RSRC1: variants seen among roughly 807,000 people sequenced by gnomAD.
RSRC1 encodes arginine and serine rich coiled-coil 1.
RSRC1 carries 39 observed loss-of-function variants against 49.1 expected under a neutral mutation model. The observed-to-expected ratio is 0.79, with a 90% CI of 0.61 to 1.04. The LOEUF is 1.04. Ranked by LOEUF, RSRC1 falls within the 50% of genes least tolerant of loss-of-function variation. RSRC1 has a pLI of 0.00. For synonymous variants in RSRC1, 143 were observed against 130.8 expected, an observed-to-expected ratio of 1.09 and a Z score of -0.63; for missense variants, 388 against 402.4, an observed-to-expected ratio of 0.96 and a Z score of 0.31.
intron 6 of RSRC1, among the ~76,000 whole-genome samples, chr3:158,438,874 G>GA (rs200916521): frequency 0.52 from 78,397 of 151,824 alleles, 20,678 homozygotes; most frequent in South Asian, 0.6. Flanking sequence ...CTATCGGAGT[G>GA]ACAGGCAACC....
At chr3:158,159,139 G>A (rs1718058741) in intron 3 of RSRC1, among the ~76,000 whole-genome samples, 1 of 152,128 alleles carries the variant, frequency 6.6e-6, no homozygotes, top group Admixed American at 6.6e-5. Context: ...ATTCTAGGAT[G>A]TGAAGCTAGT....
chr3:158,247,443 A>G (rs901295335), intron 4 of RSRC1, among the ~76,000 whole-genome samples: 1 of 152,064 alleles, frequency 6.6e-6, no homozygotes, highest in East Asian at 1.9e-4. Context: ...AGAAAACGGC[A>G]ATCTGGCTTT....
intron 7 of RSRC1, among the ~76,000 whole-genome samples, chr3:158,498,794 C>A (rs1739462884): frequency 6.6e-6 from 1 of 152,148 alleles, no homozygotes; most frequent in Non-Finnish European, 1.5e-5. Context: ...ATGTGGCTAG[C>A]CAATTATCCC....
At chr3:158,175,615 A>G (rs907713891) in intron 3 of RSRC1, among the ~76,000 whole-genome samples, 3 of 152,010 alleles carry the variant, frequency 2.0e-5, no homozygotes, top group Admixed American at 6.6e-5. Flanking sequence ...TGGATTCTCT[A>G]TTGTCTTTCA....
intron 5 of RSRC1, among the ~76,000 whole-genome samples, chr3:158,348,508 C>A (rs1400695470): frequency 6.6e-6 from 1 of 152,000 alleles, no homozygotes; most frequent in African/African-American, 2.4e-5. Flanking sequence ...GAATGGTCAT[C>A]TCCACAGGCC....
chr3:158,513,101 C>T (rs1195309785), intron 7 of RSRC1, among the ~76,000 whole-genome samples: 2 of 145,270 alleles, frequency 1.4e-5, no homozygotes, highest in African/African-American at 5.2e-5. Context: ...ATTGAATACC[C>T]TTTATTTCCT....
intron 6 of RSRC1, among the ~76,000 whole-genome samples, chr3:158,452,947 A>G (rs1441362061): frequency 1.3e-5 from 2 of 152,120 alleles, no homozygotes; most frequent in African/African-American, 4.8e-5. Flanking sequence ...CCCTCTTTCT[A>G]TGCATTTATA....
intron 4 of RSRC1, among the ~76,000 whole-genome samples, chr3:158,241,632 A>T (rs1019477045): frequency 1.3e-5 from 2 of 152,172 alleles, no homozygotes; most frequent in Non-Finnish European, 2.9e-5. Flanking sequence ...TAAGCAAAGC[A>T]GTTATGTAAA....
chr3:158,350,392 T>G (rs1730806835), intron 5 of RSRC1, among the ~76,000 whole-genome samples: 1 of 151,946 alleles, frequency 6.6e-6, no homozygotes, highest in Non-Finnish European at 1.5e-5. Context: ...CAGGCTGGTC[T>G]CGAACTTGTG....
At chr3:158,131,901 A>G (rs113772259) in intron 3 of RSRC1, among the ~76,000 whole-genome samples, 4 of 152,374 alleles carry the variant, frequency 2.6e-5, no homozygotes, top group African/African-American at 9.6e-5. Flanking sequence ...GCATTTATCT[A>G]GTAAAATAAT....
intron 6 of RSRC1, among the ~76,000 whole-genome samples, chr3:158,408,574 C>T (rs933767015): frequency 6.6e-6 from 1 of 152,122 alleles, no homozygotes; most frequent in Non-Finnish European, 1.5e-5. Context: ...GTTTTATCTC[C>T]AGTAATCATT....
chr3:158,182,855 C>G (rs1412283856), intron 3 of RSRC1, among the ~76,000 whole-genome samples: 1 of 151,936 alleles, frequency 6.6e-6, no homozygotes, highest in Non-Finnish European at 1.5e-5. Flanking sequence ...ATTGTTTTTG[C>G]TAATTACTTG....
chr3:158,153,952 T>C (rs1717700321), intron 3 of RSRC1, among the ~76,000 whole-genome samples: 2 of 152,208 alleles, frequency 1.3e-5, no homozygotes, highest in South Asian at 4.1e-4. Context: ...TGTGAAAATA[T>C]AGCTTTCCAT....
intron 4 of RSRC1, among the ~76,000 whole-genome samples, chr3:158,244,638 TAGA>T (rs1381369463): frequency 3.9e-5 from 6 of 152,338 alleles, no homozygotes; most frequent in Non-Finnish European, 4.4e-5. Context: ...GCTGGCCTCA[TAGA>T]ATGAGTTAAC....
intron 5 of RSRC1, chr3:158,302,693 G>C (rs1727631590): frequency 1.3e-5 from 1 of 76,154 alleles, no homozygotes; most frequent in East Asian, 5.3e-4. Context: ...TGGGAGTCTT[G>C]CTCAGTCTCC....
At chr3:158,264,012 A>G (rs763540195) in intron 4 of RSRC1, among the ~76,000 whole-genome samples, 16 of 151,946 alleles carry the variant, frequency 1.1e-4, no homozygotes, top group Admixed American at 2.0e-4. Flanking sequence ...TTTTCTCTGT[A>G]ATGTTTCTGC....
At chr3:158,133,107 T>G (rs545684854) in intron 3 of RSRC1, among the ~76,000 whole-genome samples, 1 of 152,324 alleles carries the variant, frequency 6.6e-6, no homozygotes, top group Admixed American at 6.5e-5. Flanking sequence ...GAATGTCCCT[T>G]TCATATCCAA....
chr3:158,143,133 T>C (rs1431185516), intron 3 of RSRC1, among the ~76,000 whole-genome samples: 1 of 152,220 alleles, frequency 6.6e-6, no homozygotes, highest in African/African-American at 2.4e-5. Context: ...TCGTCAGGTA[T>C]ATGCTAGACC....
Position 158,267,420 on chromosome 3 carries a change from A to G in RSRC1, c.495-30619A>G, listed in dbSNP as rs186591577. Among the ~76,000 whole-genome samples the G allele has an allele frequency of 2.0e-5, 3 of 151,598 alleles. No homozygotes were observed. The East Asian group carries it at 5.8e-4, about 29-fold the overall frequency. ...CCCCAAATTTGAGAACTTTTATGCT[A>G]TTATTTCTTCAGATATTCTGTTTGT... On this transcript the variant is annotated intron_variant, in intron 4 of 9. Coordinates refer to ENST00000611884, the MANE Select transcript of RSRC1 (RefSeq NM_001271838.2).
Sources: allele counts gnomAD v4.1 joint callset (sites outside exome capture counted in the v4.1 genomes callset), GRCh38; gene constraint gnomAD v4.1.1; transcripts MANE v1.5; gene names NCBI Gene and HGNC (gene_info 2026-07-23, HGNC 2026-07-21).